PLCB1: variants seen among roughly 807,000 people sequenced by gnomAD.
PLCB1 encodes the protein 1-phosphatidylinositol 4,5-bisphosphate phosphodiesterase beta-1.
A neutral mutation model predicts 161.8 loss-of-function variants in PLCB1; 46 were observed. The ratio of observed to expected loss-of-function variants is 0.28; its 90% CI spans 0.22 to 0.36. PLCB1 has a LOEUF of 0.36. Ranked by LOEUF, PLCB1 falls within the 10% of genes least tolerant of loss-of-function variation. PLCB1 has a pLI of 1.00. For missense variants in PLCB1, 1,016 were observed against 1,472.5 expected (o/e 0.69, Z 5.07); for synonymous variants, 517 against 503.7 (o/e 1.03, Z -0.35).
intron 3 of PLCB1, among the ~76,000 whole-genome samples, chr20:8,460,475 A>G (rs373415932): frequency 6.6e-6 from 1 of 152,186 alleles, no homozygotes; most frequent in African/African-American, 2.4e-5. Flanking sequence ...GCATTTATCA[A>G]AACACAAGGT....
intron 1 of PLCB1, among the ~76,000 whole-genome samples, chr20:8,136,519 G>A (rs1017467695): frequency 1.3e-5 from 2 of 151,860 alleles, no homozygotes; most frequent in Admixed American, 6.6e-5. Flanking sequence ...CCAGCTGCTC[G>A]GGAGGCTGAG....
At chr20:8,732,070 A>C (rs1385085767) in intron 18 of PLCB1, 1 of 152,014 alleles carries the variant, frequency 6.6e-6, no homozygotes, top group African/African-American at 2.4e-5. Context: ...TATCAGTTGC[A>C]ATATGTGTGA....
chr20:8,333,974 C>T (rs1020883445), intron 2 of PLCB1, among the ~76,000 whole-genome samples: 12 of 152,278 alleles, frequency 7.9e-5, no homozygotes, highest in Middle Eastern at 3.4e-3. Flanking sequence ...CTTTGGGAAG[C>T]GGAGGCGGAC....
chr20:8,221,327 C>A (rs1979396873), intron 2 of PLCB1, among the ~76,000 whole-genome samples: 1 of 152,056 alleles, frequency 6.6e-6, no homozygotes, highest in African/African-American at 2.4e-5. Context: ...TGATGATAAC[C>A]AAAACTGGTC....
chr20:8,135,114 G>A (rs1025944331), intron 1 of PLCB1, among the ~76,000 whole-genome samples: 2 of 152,138 alleles, frequency 1.3e-5, no homozygotes, highest in African/African-American at 4.8e-5. Context: ...ACCTTAGTGA[G>A]ACAGTGTGTT....
rs184334114 is a variant in PLCB1, at chr20:8,223,637, G to A, written c.177+73266G>A. On this transcript the variant is annotated intron_variant, in intron 2 of 31. Transcript: ENST00000338037. ...AATCTTGGTTAAATTCCATGGGAAA[G>A]GATTGTGTTTTGGGTATGTAAACAT... Among the ~76,000 whole-genome samples the A allele has an allele frequency of 3.0e-4, 46 of 152,248 alleles. No homozygotes were observed. The East Asian group carries it at 8.3e-3, about 27-fold the overall frequency.
At chr20:8,732,857 T>G (rs5840279) in intron 18 of PLCB1, among the ~76,000 whole-genome samples, 12 of 134,936 alleles carry the variant, frequency 8.9e-5, no homozygotes, top group African/African-American at 2.2e-4. Flanking sequence ...TTATATATTA[T>G]ATATTAGATA....
At chr20:8,454,294 G>A (rs143307713) in intron 3 of PLCB1, among the ~76,000 whole-genome samples, 1 of 152,300 alleles carries the variant, frequency 6.6e-6, no homozygotes, top group African/African-American at 2.4e-5. Context: ...AAGTAGCCAG[G>A]ATCCAGGACA....
chr20:8,706,443 CTG>C (rs1373453724), intron 11 of PLCB1, among the ~76,000 whole-genome samples: 1 of 152,198 alleles, frequency 6.6e-6, no homozygotes, highest in African/African-American at 2.4e-5. Flanking sequence ...TGACACTTGA[CTG>C]TACTCGGGAC....
chr20:8,865,562 T>G (rs1416053392), intron 31 of PLCB1, among the ~76,000 whole-genome samples: 1 of 152,222 alleles, frequency 6.6e-6, no homozygotes, highest in East Asian at 1.9e-4. Context: ...AGAATTTTAT[T>G]TCTTTTTTGT....
Position 8,156,066 on chromosome 20 carries a change from C to G in PLCB1, c.177+5695C>G, listed in dbSNP as rs973387823. On this transcript the variant is annotated intron_variant, in intron 2 of 31. Transcript: ENST00000338037. ...ACAGACACAGTGCCATACCCACACC[C>G]TCTTCCTCACCACTCCTGAGAACAT... Among the ~76,000 whole-genome samples, 6 of 152,292 alleles carry G rather than the reference C, an allele frequency of 3.9e-5. No individual in the cohort carries two copies. In the South Asian group the frequency reaches 6.2e-4, roughly 16 times the overall value.
chr20:8,238,140 C>G (rs1444439025), intron 2 of PLCB1, among the ~76,000 whole-genome samples: 2 of 152,002 alleles, frequency 1.3e-5, no homozygotes, highest in Admixed American at 1.3e-4. Context: ...ATGATTTGTA[C>G]TCTTAAACTT....
intron 2 of PLCB1, among the ~76,000 whole-genome samples, chr20:8,300,161 T>C (rs1983833074): frequency 6.6e-6 from 1 of 152,076 alleles, no homozygotes. Flanking sequence ...TGTCTCATCC[T>C]CCCATAGGCT....
chr20:8,202,221 G>T (rs906114918), intron 2 of PLCB1, among the ~76,000 whole-genome samples: 6 of 98 alleles, frequency 0.061, no homozygotes, highest in African/African-American at 0.14. Context: ...GGAATTACAG[G>T]CATGCGCACC....
At chr20:8,238,530 T>C (rs570614152) in intron 2 of PLCB1, among the ~76,000 whole-genome samples, 15 of 151,972 alleles carry the variant, frequency 9.9e-5, no homozygotes, top group African/African-American at 3.6e-4. Context: ...TGTCATATAC[T>C]AGATGAGGTC....
At chr20:8,471,079 T>C (rs1209027160) in intron 3 of PLCB1, among the ~76,000 whole-genome samples, 3 of 152,208 alleles carry the variant, frequency 2.0e-5, no homozygotes, top group Admixed American at 6.5e-5. Context: ...TAATGTACAA[T>C]TTACACATTG....
chr20:8,552,718 T>C (rs544788217), intron 3 of PLCB1, among the ~76,000 whole-genome samples: 1 of 152,248 alleles, frequency 6.6e-6, no homozygotes, highest in South Asian at 2.1e-4. Context: ...TAGTAGATAC[T>C]TGCTGCTTGG....
In PLCB1 at chr20:8,681,086, G is replaced by GTGTGTA. The variant is rs1394518085; in HGVS notation, c.863-3845_863-3844insGTGTAT. Among the ~76,000 whole-genome samples, 70 of 73,844 alleles carry GTGTGTA rather than the reference G, an allele frequency of 9.5e-4. 1 individual carries two copies. The highest frequency in any genetic ancestry group is 0.015 in the Middle Eastern group (2 of 130). 48.4% of individuals were successfully genotyped at this position (73,844 alleles called of 152,430 possible). A position where few individuals can be genotyped will look rare whatever the true frequency, so the allele number is the denominator to read the frequency against. On this transcript the variant is annotated intron_variant, in intron 9 of 31. Transcript: ENST00000338037. ...TATATATGTGTGTATATGTGTGTGT[G>GTGTGTA]TATATATATATATATATATATATAT...
At chr20:8,202,886 G>A (rs141618545) in intron 2 of PLCB1, among the ~76,000 whole-genome samples, 23 of 152,252 alleles carry the variant, frequency 1.5e-4, no homozygotes, top group Admixed American at 7.9e-4. Context: ...GGAAGAACAC[G>A]CAGAGAAAGT....
Sources: allele counts gnomAD v4.1 joint callset (sites outside exome capture counted in the v4.1 genomes callset), GRCh38; gene constraint gnomAD v4.1.1; transcripts MANE v1.5; gene names NCBI Gene and HGNC (gene_info 2026-07-23, HGNC 2026-07-21).